Variants in RAB3C observed in about 807,000 individuals in gnomAD.
RAB3C encodes the protein RAB3C, member RAS oncogene family.
Under a neutral mutation model 26.4 loss-of-function variants are expected in RAB3C, and 17 were observed. The observed-to-expected ratio is 0.64, with a 90% CI of 0.44 to 0.97. The LOEUF is 0.97. Among genes scored for constraint, RAB3C ranks in the 50% least tolerant of loss-of-function variants. RAB3C has a pLI of 0.00. For synonymous variants in RAB3C, 91 were observed against 95.9 expected, an observed-to-expected ratio of 0.95 and a Z score of 0.30; for missense variants, 242 against 281.9, an observed-to-expected ratio of 0.86 and a Z score of 1.01.
In RAB3C at chr5:58,637,098, C is replaced by CT. The variant is rs10669263; in HGVS notation, c.252+19243dup. 5.2e-3 allele frequency among the ~76,000 whole-genome samples: 737 copies of CT among 142,138 alleles called. 8 individuals carry two copies. The highest frequency in any genetic ancestry group is 0.015 in the African/African-American group (575 of 38,646). 93.2% of individuals were successfully genotyped at this position (142,138 alleles called of 152,430 possible). A position where few individuals can be genotyped will look rare whatever the true frequency, so the allele number is the denominator to read the frequency against. The stretch of plus-strand genomic sequence containing the variant: ...ATCATTTTTTTTTTATTTCAAAGAA[C>CT]TTTTTTTTTTTTTTTACTATTCAGT... On this transcript the variant is annotated intron_variant, in intron 2 of 4. Transcript: ENST00000282878.
intron 1 of RAB3C, among the ~76,000 whole-genome samples, chr5:58,591,879 GCTTTT>G (rs1020622684): frequency 7.0e-6 from 1 of 142,262 alleles, no homozygotes; most frequent in African/African-American, 2.6e-5. Flanking sequence ...TCCTGTATTG[GCTTTT>G]CTTTTCTTTT....
chr5:58,767,750 A>C (rs1487503598), intron 3 of RAB3C, among the ~76,000 whole-genome samples: 1 of 152,174 alleles, frequency 6.6e-6, no homozygotes, highest in African/African-American at 2.4e-5. Context: ...AATATTTACT[A>C]ATCACCTACT....
At chr5:58,649,700 T>C (rs961360107) in intron 2 of RAB3C, among the ~76,000 whole-genome samples, 8 of 152,146 alleles carry the variant, frequency 5.3e-5, no homozygotes, top group African/African-American at 1.9e-4. Flanking sequence ...CTCTCCCTGC[T>C]TACGATTTCC....
intron 3 of RAB3C, among the ~76,000 whole-genome samples, chr5:58,730,957 A>G (rs115577527): frequency 0.012 from 1,819 of 152,244 alleles, 38 homozygotes; most frequent in African/African-American, 0.041. Flanking sequence ...GCAGCAGGCA[A>G]GAAAGCATGT....
chr5:58,651,559 T>C (rs1747649714), intron 2 of RAB3C, among the ~76,000 whole-genome samples: 1 of 152,254 alleles, frequency 6.6e-6, no homozygotes, highest in Admixed American at 6.5e-5. Context: ...AATATATAAT[T>C]TATTATGTAT....
At chr5:58,725,193 T>G (rs1158321015) in intron 2 of RAB3C, among the ~76,000 whole-genome samples, 2 of 151,902 alleles carry the variant, frequency 1.3e-5, no homozygotes, top group African/African-American at 4.8e-5. Context: ...AGGATATTTT[T>G]GCTGGCTACA....
chr5:58,652,552 C>T (rs1321221586), intron 2 of RAB3C, among the ~76,000 whole-genome samples: 1 of 151,426 alleles, frequency 6.6e-6, no homozygotes, highest in Admixed American at 6.6e-5. Flanking sequence ...GCAGGTTGTC[C>T]AGAGGCTGCT....
chr5:58,816,200 T>C (rs6878730), intron 3 of RAB3C, among the ~76,000 whole-genome samples: 51,062 of 151,948 alleles, frequency 0.34, 9,576 homozygotes, highest in African/African-American at 0.51. Context: ...AGTTTGCGCA[T>C]AAGTAGTTTA....
chr5:58,848,568 G>A (rs531089415), intron 4 of RAB3C: 1 of 152,236 alleles, frequency 6.6e-6, no homozygotes, highest in East Asian at 1.9e-4. Flanking sequence ...GAAAATAATG[G>A]TACCTACTAA....
intron 1 of RAB3C, among the ~76,000 whole-genome samples, chr5:58,601,414 G>A (rs921082020): frequency 2.0e-5 from 3 of 152,048 alleles, no homozygotes; most frequent in Non-Finnish European, 2.9e-5. Context: ...GTATCAAAAG[G>A]ATTGGTACCA....
intron 2 of RAB3C, among the ~76,000 whole-genome samples, chr5:58,715,288 T>C (rs186019709): frequency 1.3e-5 from 2 of 152,190 alleles, no homozygotes; most frequent in African/African-American, 4.8e-5. Flanking sequence ...AAGTATTTTT[T>C]TTTTCCTAGA....
intron 2 of RAB3C, among the ~76,000 whole-genome samples, chr5:58,677,625 CA>C (rs36036259): frequency 0.13 from 19,475 of 152,062 alleles, 1,560 homozygotes; most frequent in Middle Eastern, 0.22. Flanking sequence ...ATATTGACAC[CA>C]ATGCTCAATA....
At chr5:58,604,204 T>C (rs1293650821) in intron 1 of RAB3C, among the ~76,000 whole-genome samples, 1 of 152,168 alleles carries the variant, frequency 6.6e-6, no homozygotes, top group African/African-American at 2.4e-5. Context: ...CCTATTCCAC[T>C]GGAGGTGGCA....
chr5:58,720,018 G>A (rs1200140078), intron 2 of RAB3C, among the ~76,000 whole-genome samples: 1 of 151,914 alleles, frequency 6.6e-6, no homozygotes, highest in African/African-American at 2.4e-5. Flanking sequence ...GTTCTGGGGT[G>A]AGGAATTCAG....
intron 2 of RAB3C, among the ~76,000 whole-genome samples, chr5:58,691,030 A>G (rs1214471091): frequency 6.6e-6 from 1 of 152,064 alleles, no homozygotes; most frequent in African/African-American, 2.4e-5. Flanking sequence ...GTATGTGCTT[A>G]TTACTAAGAA....
intron 1 of RAB3C, 147 bp downstream of exon 1, chr5:58,583,379 T>G: frequency 6.6e-7 from 1 of 1,514,286 alleles, no homozygotes; most frequent in Non-Finnish European, 8.9e-7. Flanking sequence ...GGGAACAGAG[T>G]TGGGTTTCTT....
In RAB3C at chr5:58,855,286, TA is replaced by T. The variant is rs1012387757; in HGVS notation, c.*3939del. 1.3e-5 allele frequency: 2 copies of T among 152,220 alleles called. No homozygotes were observed. Among genetic ancestry groups the T allele is most frequent in the Non-Finnish European group, 2.9e-5 (2 of 68,044 alleles). 9.4% of individuals were successfully genotyped at this position (152,220 alleles called of 1,614,324 possible). A position where few individuals can be genotyped will look rare whatever the true frequency, so the allele number is the denominator to read the frequency against. On this transcript the variant is annotated 3_prime_UTR_variant, in exon 5 of 5. Transcript: ENST00000282878. ...ATCTTATTTATAAAAAAGTCATAAC[TA>T]AAACCCTTCTAGACCAAAAAGTTAC...
At chr5:58,819,878 GT>G (rs1743300909) in intron 3 of RAB3C, among the ~76,000 whole-genome samples, 1 of 152,188 alleles carries the variant, frequency 6.6e-6, no homozygotes, top group East Asian at 1.9e-4. Context: ...AAAAAAAACT[GT>G]GACATTGAGA....
intron 3 of RAB3C, among the ~76,000 whole-genome samples, chr5:58,792,289 G>A (rs916072691): frequency 6.6e-6 from 1 of 152,192 alleles, no homozygotes; most frequent in East Asian, 1.9e-4. Context: ...AGGAATTAAG[G>A]AAAAGGTGAA....
Sources: allele counts gnomAD v4.1 joint callset (sites outside exome capture counted in the v4.1 genomes callset), GRCh38; gene constraint gnomAD v4.1.1; transcripts MANE v1.5; gene names NCBI Gene and HGNC (gene_info 2026-07-23, HGNC 2026-07-21).